STAU1: variants seen among roughly 807,000 people sequenced by gnomAD.
STAU1 encodes double-stranded RNA-binding protein Staufen homolog 1.
A neutral mutation model predicts 62.9 loss-of-function variants in STAU1; 13 were observed. That is an observed-to-expected ratio of 0.21 (90% CI 0.13 to 0.33). The LOEUF (loss-of-function observed/expected upper bound fraction) is 0.33, where lower values mean the gene tolerates loss of function less well. STAU1 is among the 10% of genes least tolerant of loss of function. The pLI, the probability that STAU1 is intolerant of heterozygous loss-of-function variation, is 1.00. For synonymous variants in STAU1, 269 were observed against 265.1 expected, an observed-to-expected ratio of 1.01 and a Z score of -0.14; for missense variants, 571 against 712.1, an observed-to-expected ratio of 0.80 and a Z score of 2.25.
chr20:49,159,077 C>T, intron 3 of STAU1: 1 of 1,255,520 alleles, frequency 8.0e-7, no homozygotes, highest in African/African-American at 1.6e-5. Flanking sequence ...ATGGCAGAAG[C>T]CTGCAACGCA....
the STAU1 span, among the ~76,000 whole-genome samples, chr20:49,206,719 TTA>T: frequency 0.22 from 23,623 of 105,586 alleles, 2,578 homozygotes; most frequent in East Asian, 0.29. Context: ...AAATGAAATT[TTA>T]TATATATATA....
At chr20:49,200,633 G>A in the STAU1 span, among the ~76,000 whole-genome samples, 1 of 151,642 alleles carries the variant, frequency 6.6e-6, no homozygotes, top group African/African-American at 2.4e-5. Context: ...CAGGAGCTGT[G>A]TCCATGAAAC....
chr20:49,186,468 T>A (rs955780329), intron 1 of STAU1, among the ~76,000 whole-genome samples: 1 of 152,066 alleles, frequency 6.6e-6, no homozygotes, highest in Non-Finnish European at 1.5e-5. Context: ...GAGATGGGTA[T>A]AAATCAAAAT....
At chr20:49,173,013 T>G (rs970881481) in intron 2 of STAU1, among the ~76,000 whole-genome samples, 3 of 151,692 alleles carry the variant, frequency 2.0e-5, no homozygotes, top group African/African-American at 7.3e-5. Flanking sequence ...TGGCTAATGT[T>G]TTTTGTATTT....
At chr20:49,114,914 A>T in intron 13 of STAU1, 21 bp from the exon 14 acceptor site, 1 of 1,612,218 alleles carries the variant, frequency 6.2e-7, no homozygotes, top group Non-Finnish European at 8.5e-7. Flanking sequence ...GAAAAATGAA[A>T]ATGACACTAG....
In STAU1 at chr20:49,159,271, G is replaced by A. The variant is rs541212866; in HGVS notation, c.206-5200C>T. 3.2e-5 allele frequency: 17 copies of A among 529,508 alleles called. 1 individual carries two copies. In the South Asian group the frequency reaches 1.1e-3, roughly 36 times the overall value. 32.8% of individuals were successfully genotyped at this position (529,508 alleles called of 1,614,324 possible). ...TTGGTGTAGCAAGGCTAGAATCTTGGTTTTGATAGAACCAAAAGTATACCA... is the reference window on the plus strand; with the variant it reads ...TTGGTGTAGCAAGGCTAGAATCTTGATTTTGATAGAACCAAAAGTATACCA... On this transcript the variant is annotated intron_variant, in intron 3 of 13. Transcript: ENST00000371856.
intron 8 of STAU1, among the ~76,000 whole-genome samples, chr20:49,121,793 TC>T (rs2092470735): frequency 6.6e-6 from 1 of 152,104 alleles, no homozygotes; most frequent in Non-Finnish European, 1.5e-5. Flanking sequence ...CAAACCACCC[TC>T]CCCGAAGAAG....
At chr20:49,190,031 A>G (rs1359847639), upstream of STAU1, among the ~76,000 whole-genome samples, 2 of 152,130 alleles carry the variant, frequency 1.3e-5, no homozygotes, top group Non-Finnish European at 2.9e-5. Context: ...GTGCCCATCC[A>G]AGACAGTAGT....
the STAU1 span, among the ~76,000 whole-genome samples, chr20:49,218,664 A>G: frequency 6.6e-6 from 1 of 152,154 alleles, no homozygotes. Flanking sequence ...TGCCGTGACT[A>G]AAGGTGTGAA....
At chr20:49,196,103 G>A in the STAU1 span, among the ~76,000 whole-genome samples, 5 of 142,502 alleles carry the variant, frequency 3.5e-5, no homozygotes, top group Non-Finnish European at 6.0e-5. Flanking sequence ...CAGCCTGGGC[G>A]ACAAAGCAAG....
Position 49,114,264 on chromosome 20 carries a change from G to A in STAU1, c.*614C>T, listed in dbSNP as rs1285851104. On this transcript the variant is annotated 3_prime_UTR_variant, in exon 14 of 14. Transcript: ENST00000371856. ...TTCTCAAATGAAAATTTTATATAGT[G>A]TCATATCAATCAAAAGAAAATAATG... 1 of 152,690 alleles carries A rather than the reference G, an allele frequency of 6.5e-6. No individual in the cohort carries two copies. The highest frequency in any genetic ancestry group is 1.5e-5 in the Non-Finnish European group (1 of 68,096). The allele number at this position is 152,690 out of a possible 1,614,324, so 9.5% of individuals were successfully genotyped here.
chr20:49,129,280 A>ATTTTTTTTTTTT (rs71184264), intron 6 of STAU1, among the ~76,000 whole-genome samples: 1 of 87,928 alleles, frequency 1.1e-5, no homozygotes, highest in African/African-American at 4.7e-5. Flanking sequence ...TTAAAAAAAA[A>ATTTTTTTTTTTT]TTTTTTTTTT....
chr20:49,142,008 G>C lies in STAU1; in HGVS notation c.511-6077C>G, dbSNP rs150139224. 7.0e-3 allele frequency among the ~76,000 whole-genome samples: 1,062 copies of C among 152,174 alleles called. 14 individuals carry two copies. Among genetic ancestry groups the C allele is most frequent in the African/African-American group, 0.023 (975 of 41,532 alleles). On this transcript the variant is annotated intron_variant, in intron 5 of 13. Coordinates refer to ENST00000371856, the MANE Select transcript of STAU1 (RefSeq NM_017453.4). ...GGAGGTCAAGGCGGGAGGGTCACTT[G>C]AGGCCTGGAGTTTGAGACCAGCCTG...
chr20:49,204,622 A>ATG, the STAU1 span, among the ~76,000 whole-genome samples: 15 of 40,624 alleles, frequency 3.7e-4, no homozygotes, highest in African/African-American at 1.0e-3. Context: ...ATATATATAT[A>ATG]TGTGTATATA....
intron 6 of STAU1, among the ~76,000 whole-genome samples, chr20:49,131,036 T>C (rs1488707052): frequency 6.6e-6 from 1 of 151,938 alleles, no homozygotes; most frequent in Non-Finnish European, 1.5e-5. Context: ...CAAAGTGACA[T>C]GAAATGATGC....
At chr20:49,158,647 T>C (rs2093401607) in intron 3 of STAU1, 3 of 572,952 alleles carry the variant, frequency 5.2e-6, no homozygotes. Context: ...CCATCTCTAC[T>C]AAAAATGCAA....
At chr20:49,189,895 A>G (rs936941647), upstream of STAU1, among the ~76,000 whole-genome samples, 1 of 152,188 alleles carries the variant, frequency 6.6e-6, no homozygotes, top group African/African-American at 2.4e-5. Context: ...GCCCCTCCAA[A>G]CAAGGCTTTG....
chr20:49,141,026 T>C (rs2092995091), intron 5 of STAU1, among the ~76,000 whole-genome samples: 1 of 149,914 alleles, frequency 6.7e-6, no homozygotes, highest in Non-Finnish European at 1.5e-5. Context: ...ACTGTGCCAA[T>C]GAGAATGCTC....
chr20:49,167,731 CT>C (rs1403281522), intron 2 of STAU1, among the ~76,000 whole-genome samples: 5 of 152,100 alleles, frequency 3.3e-5, no homozygotes, highest in Non-Finnish European at 7.4e-5. Flanking sequence ...AATAGAAACA[CT>C]TTTTTCCTCC....
Sources: gnomAD v4.1 joint callset for allele counts (sites outside exome capture counted in the v4.1 genomes callset) on GRCh38, gnomAD v4.1.1 for gene constraint, MANE v1.5 for transcripts, NCBI Gene and HGNC (gene_info 2026-07-23, HGNC 2026-07-21) for gene names.